LRP1B: variants seen among roughly 807,000 people sequenced by gnomAD.
LRP1B encodes LDL receptor related protein 1B, also known as low-density lipoprotein receptor-related protein 1B.
Under a neutral mutation model 556.6 loss-of-function variants are expected in LRP1B, and 217 were observed. The observed-to-expected ratio is 0.39, with a 90% confidence interval of 0.35 to 0.44. The LOEUF is 0.44. Ranked by LOEUF, LRP1B falls within the 20% of genes least tolerant of loss-of-function variation. The pLI, the probability that LRP1B is intolerant of heterozygous loss-of-function variation, is 1.00. For synonymous variants in LRP1B, 2,047 were observed against 1,865.8 expected (o/e 1.10, Z -2.50); for missense variants, 5,053 against 5,620.8 (o/e 0.90, Z 3.23).
intron 16 of LRP1B, among the ~76,000 whole-genome samples, chr2:140,989,900 T>C (rs540235504): frequency 5.3e-5 from 8 of 152,242 alleles, no homozygotes; most frequent in Admixed American, 1.3e-4. Flanking sequence ...TCTTTTTTTA[T>C]GTCTCCATTA....
At chr2:141,906,362 T>C (rs1176115939) in intron 1 of LRP1B, among the ~76,000 whole-genome samples, 1 of 152,004 alleles carries the variant, frequency 6.6e-6, no homozygotes, top group Non-Finnish European at 1.5e-5. Flanking sequence ...TATATGCAAT[T>C]CACCATACTG....
intron 41 of LRP1B, among the ~76,000 whole-genome samples, chr2:140,666,319 CA>C (rs202096270): frequency 7.0e-6 from 1 of 143,038 alleles, no homozygotes; most frequent in African/African-American, 2.6e-5. Flanking sequence ...CACACACACA[CA>C]CACACACACA....
intron 43 of LRP1B, among the ~76,000 whole-genome samples, chr2:140,567,428 G>A (rs1055607654): frequency 2.0e-5 from 3 of 151,938 alleles, no homozygotes; most frequent in Non-Finnish European, 2.9e-5. Flanking sequence ...TGCTCCTCAC[G>A]CCCAAACCTC....
chr2:140,388,085 C>T (rs1279887825), intron 66 of LRP1B, among the ~76,000 whole-genome samples: 3 of 151,762 alleles, frequency 2.0e-5, no homozygotes, highest in Non-Finnish European at 4.4e-5. Context: ...TACAGGCATT[C>T]GCCACCATAC....
chr2:141,670,545 G>T (rs1690627615), intron 2 of LRP1B, among the ~76,000 whole-genome samples: 1 of 152,154 alleles, frequency 6.6e-6, no homozygotes, highest in African/African-American at 2.4e-5. Context: ...AGATATGTTG[G>T]ATCAGAAGCA....
chr2:140,795,912 A>G (rs1690293237), intron 32 of LRP1B, among the ~76,000 whole-genome samples: 1 of 152,082 alleles, frequency 6.6e-6, no homozygotes, highest in South Asian at 2.1e-4. Flanking sequence ...TCTAATTAAA[A>G]TGCTGTTGTG....
At chr2:141,664,901 A>T (rs1486493639) in intron 2 of LRP1B, among the ~76,000 whole-genome samples, 3 of 152,202 alleles carry the variant, frequency 2.0e-5, no homozygotes, top group African/African-American at 7.2e-5. Flanking sequence ...CTGCCCAAGA[A>T]ATCCTAAGCC....
chr2:140,378,154 C>G, intron 68 of LRP1B, 26 bp downstream of exon 68: 1 of 1,504,124 alleles, frequency 6.6e-7, no homozygotes, highest in Non-Finnish European at 9.2e-7. Context: ...GCGCTGCTTT[C>G]TTTTTGATTT....
At chr2:140,520,787 C>A (rs1178337653) in intron 49 of LRP1B, among the ~76,000 whole-genome samples, 4 of 45,422 alleles carry the variant, frequency 8.8e-5, no homozygotes, top group Non-Finnish European at 1.4e-4. Context: ...AAATCTAACA[C>A]TAAGAAAACA....
At chr2:141,175,003 G>T (rs747743053) in intron 7 of LRP1B, among the ~76,000 whole-genome samples, 2 of 152,096 alleles carry the variant, frequency 1.3e-5, no homozygotes, top group Admixed American at 1.3e-4. Context: ...CAGCATTTTG[G>T]CCCTGCCCTG....
intron 1 of LRP1B, among the ~76,000 whole-genome samples, chr2:142,126,003 T>G (rs186446205): frequency 4.0e-4 from 61 of 152,024 alleles, no homozygotes; most frequent in African/African-American, 1.4e-3. Flanking sequence ...CATAGGAGTT[T>G]GGCTGAGCAT....
chr2:140,565,235 A>C (rs987906039), intron 43 of LRP1B, among the ~76,000 whole-genome samples: 4 of 82,430 alleles, frequency 4.9e-5, no homozygotes, highest in Admixed American at 1.2e-4. Context: ...TTTTACATGA[A>C]CATTTAAAGA....
In LRP1B at chr2:140,371,167, A is replaced by C. The variant is rs756997364; in HGVS notation, c.10875+12T>G. ...TGTAATTCAAATATTTTAATTAAAC[A>C]ATATATTTTACCTCATCTGAACCAT... On this transcript the variant is annotated intron_variant, in intron 70 of 90. Coordinates refer to ENST00000389484, the MANE Select transcript of LRP1B (RefSeq NM_018557.3). 1.5e-5 allele frequency: 22 copies of C among 1,487,564 alleles called. No individual in the cohort carries two copies. The African/African-American group carries it at 2.8e-4, about 19-fold the overall frequency. 92.1% of individuals were successfully genotyped at this position (1,487,564 alleles called of 1,614,324 possible).
At chr2:141,323,081 A>G (rs1687303121) in intron 3 of LRP1B, among the ~76,000 whole-genome samples, 1 of 152,118 alleles carries the variant, frequency 6.6e-6, no homozygotes, top group South Asian at 2.1e-4. Flanking sequence ...GGAAATTACT[A>G]TTACTACTGC....
chr2:141,049,458 G>A (rs1698973876), intron 10 of LRP1B, among the ~76,000 whole-genome samples: 1 of 152,052 alleles, frequency 6.6e-6, no homozygotes, highest in African/African-American at 2.4e-5. Flanking sequence ...CCCTTTGTCT[G>A]TAACTGTCTG....
intron 1 of LRP1B, among the ~76,000 whole-genome samples, chr2:142,083,936 A>G (rs1048600896): frequency 1.5e-4 from 23 of 151,678 alleles, no homozygotes; most frequent in Admixed American, 1.4e-3. Context: ...CTTCTGTGCT[A>G]TATTTTATAT....
chr2:141,201,827 G>A (rs904446210), intron 6 of LRP1B, among the ~76,000 whole-genome samples: 3 of 152,082 alleles, frequency 2.0e-5, no homozygotes, highest in African/African-American at 7.2e-5. Context: ...TAAATAAAAG[G>A]AGATCCTGTT....
At chr2:141,149,988 A>G (rs1701881120) in intron 7 of LRP1B, among the ~76,000 whole-genome samples, 1 of 152,136 alleles carries the variant, frequency 6.6e-6, no homozygotes, top group South Asian at 2.1e-4. Context: ...TTTTTTGAAT[A>G]GTTGGAAGAT....
chr2:140,323,172 G>C (rs1645184101), intron 81 of LRP1B, among the ~76,000 whole-genome samples: 1 of 151,952 alleles, frequency 6.6e-6, no homozygotes, highest in Admixed American at 6.6e-5. Flanking sequence ...GCATCTTGAA[G>C]AGCGAACTGA....
Sources: gnomAD v4.1 joint callset for allele counts (sites outside exome capture counted in the v4.1 genomes callset) on GRCh38, gnomAD v4.1.1 for gene constraint, MANE v1.5 for transcripts, NCBI Gene and HGNC (gene_info 2026-07-23, HGNC 2026-07-21) for gene names.